Variants in PPARGC1A observed in about 807,000 individuals in gnomAD.
The protein encoded by PPARGC1A is PPARG coactivator 1 alpha.
PPARGC1A carries 25 observed loss-of-function variants against 88.7 expected under a neutral mutation model. The observed-to-expected ratio is 0.28, with a 90% CI of 0.21 to 0.39. The LOEUF (loss-of-function observed/expected upper bound fraction) is 0.39, where lower values mean the gene tolerates loss of function less well. Ranked by LOEUF, PPARGC1A falls within the 10% of genes least tolerant of loss-of-function variation. The pLI, the probability that PPARGC1A is intolerant of heterozygous loss-of-function variation, is 1.00. For synonymous variants in PPARGC1A, 363 were observed against 355.6 expected, an observed-to-expected ratio of 1.02 and a Z score of -0.24; for missense variants, 880 against 968.7, an observed-to-expected ratio of 0.91 and a Z score of 1.22.
the PPARGC1A span, among the ~76,000 whole-genome samples, chr4:24,331,190 T>C: frequency 2.0e-5 from 3 of 152,224 alleles, no homozygotes; most frequent in African/African-American, 7.2e-5. Context: ...CACAATGCTG[T>C]GCACTCAATA....
the PPARGC1A span, among the ~76,000 whole-genome samples, chr4:24,295,661 T>TTA: frequency 6.6e-6 from 1 of 150,440 alleles, no homozygotes; most frequent in African/African-American, 2.4e-5. Flanking sequence ...GTTTTTTGTG[T>TTA]TATATATATG....
chr4:23,914,602 T>G, the PPARGC1A span, among the ~76,000 whole-genome samples: 1 of 152,252 alleles, frequency 6.6e-6, no homozygotes, highest in African/African-American at 2.4e-5. Flanking sequence ...GAATGTTTTG[T>G]CCCATCCCTA....
At chr4:24,365,813 A>G in the PPARGC1A span, among the ~76,000 whole-genome samples, 1 of 152,114 alleles carries the variant, frequency 6.6e-6, no homozygotes, top group African/African-American at 2.4e-5. Context: ...GTTGCTAATC[A>G]CAGGATTTAG....
chr4:23,902,215 T>C (rs1017812464), upstream of PPARGC1A, among the ~76,000 whole-genome samples: 8 of 152,308 alleles, frequency 5.3e-5, no homozygotes, highest in African/African-American at 1.2e-4. Context: ...ATTAGATGAG[T>C]GATGTGCCTA....
chr4:23,899,213 G>T (rs1196050034), intron 1 of PPARGC1A: 1 of 152,296 alleles, frequency 6.6e-6, no homozygotes, highest in South Asian at 2.1e-4. Context: ...CTAAAAACAG[G>T]CCACACCTAA....
the PPARGC1A span, among the ~76,000 whole-genome samples, chr4:24,443,722 A>ATTT: frequency 1.3e-3 from 183 of 143,594 alleles, 1 homozygote; most frequent in Admixed American, 1.5e-3. Context: ...TGCCCGGCTA[A>ATTT]TTTTTTTTTT....
chr4:24,085,542 G>A, the PPARGC1A span, among the ~76,000 whole-genome samples: 1 of 152,186 alleles, frequency 6.6e-6, no homozygotes, highest in Non-Finnish European at 1.5e-5. Flanking sequence ...TGAGCACCCA[G>A]TACACCTTAC....
the PPARGC1A span, among the ~76,000 whole-genome samples, chr4:24,226,897 A>G: frequency 6.6e-6 from 1 of 152,204 alleles, no homozygotes; most frequent in Non-Finnish European, 1.5e-5. Context: ...AGCAGGAAAC[A>G]GATGAGCTCG....
the PPARGC1A span, among the ~76,000 whole-genome samples, chr4:24,225,909 C>T: frequency 1.3e-5 from 2 of 152,036 alleles, no homozygotes; most frequent in Non-Finnish European, 2.9e-5. Context: ...GAAATTAAAA[C>T]TGAGAATGGG....
upstream of PPARGC1A, among the ~76,000 whole-genome samples, chr4:23,909,073 AAGG>A (rs1720411460): frequency 1.3e-5 from 2 of 152,308 alleles, no homozygotes; most frequent in African/African-American, 2.4e-5. Context: ...GAGTGCATTG[AAGG>A]AGAAGTGGTG....
At chr4:23,890,231 AAG>A (rs1390169027), upstream of PPARGC1A, 4 of 381,970 alleles carry the variant, frequency 1.0e-5, no homozygotes, top group Non-Finnish European at 1.7e-5. Flanking sequence ...AAAAAAAAAA[AAG>A]AAAGAAAAAG....
At chr4:24,219,511 A>G in the PPARGC1A span, among the ~76,000 whole-genome samples, 1 of 152,170 alleles carries the variant, frequency 6.6e-6, no homozygotes, top group African/African-American at 2.4e-5. Context: ...CATGAGAGCC[A>G]CCATCAAGAT....
chr4:24,225,050 C>T, the PPARGC1A span, among the ~76,000 whole-genome samples: 1 of 152,060 alleles, frequency 6.6e-6, no homozygotes. Context: ...GGGGCTGGGG[C>T]TTCAGAGACA....
At chr4:23,966,760 T>C in the PPARGC1A span, among the ~76,000 whole-genome samples, 1 of 152,190 alleles carries the variant, frequency 6.6e-6, no homozygotes, top group African/African-American at 2.4e-5. Context: ...GCCAGAGTAC[T>C]TTTTAGACCA....
the PPARGC1A span, among the ~76,000 whole-genome samples, chr4:24,141,725 C>T: frequency 9.2e-5 from 14 of 152,194 alleles, no homozygotes; most frequent in African/African-American, 3.1e-4. Context: ...ATCTTGCTTG[C>T]TTGGAGGCAA....
chr4:24,003,439 AAAG>A, the PPARGC1A span, among the ~76,000 whole-genome samples: 1 of 152,236 alleles, frequency 6.6e-6, no homozygotes, highest in Non-Finnish European at 1.5e-5. Flanking sequence ...ATGTGCAGTC[AAAG>A]AAGATTGGCT....
chr4:24,230,088 G>A, the PPARGC1A span, among the ~76,000 whole-genome samples: 1 of 152,128 alleles, frequency 6.6e-6, no homozygotes, highest in African/African-American at 2.4e-5. Context: ...CAAATGAAGT[G>A]CAATTTACAT....
chr4:23,901,401 G>C (rs1719350934), upstream of PPARGC1A, among the ~76,000 whole-genome samples: 1 of 148,100 alleles, frequency 6.8e-6, no homozygotes, highest in Admixed American at 6.7e-5. Context: ...GTAAGTAGCT[G>C]GGCATGGTGG....
intron 2 of PPARGC1A, among the ~76,000 whole-genome samples, chr4:23,859,637 C>T (rs1435744459): frequency 6.6e-6 from 1 of 151,484 alleles, no homozygotes; most frequent in Non-Finnish European, 1.5e-5. Context: ...AAAAATTAGC[C>T]CAGCGTGGTG....
Sources: gnomAD v4.1 joint callset for allele counts (sites outside exome capture counted in the v4.1 genomes callset) on GRCh38, gnomAD v4.1.1 for gene constraint, MANE v1.5 for transcripts, NCBI Gene and HGNC (gene_info 2026-07-23, HGNC 2026-07-21) for gene names.